Variants in SPAST observed in about 807,000 individuals in gnomAD.
SPAST encodes spastin.
A neutral mutation model predicts 76.6 loss-of-function variants in SPAST; 30 were observed. The ratio of observed to expected loss-of-function variants is 0.39; its 90% confidence interval spans 0.29 to 0.53. The LOEUF is 0.53. Among genes scored for constraint, SPAST ranks in the 20% least tolerant of loss-of-function variants. SPAST has a pLI of 0.68. For synonymous variants in SPAST, 305 were observed against 281.0 expected (o/e 1.09, Z -0.86); for missense variants, 717 against 770.5 (o/e 0.93, Z 0.82).
Position 32,117,929 on chromosome 2 carries a change from A to C in SPAST, c.1098+1717A>C, listed in dbSNP as rs1487501609. ...GGGTAGAAACCTAATCTTCCATCCC[A>C]TATTTTATGACTTATTAAGGAAGAT... On this transcript the variant is annotated intron_variant, in intron 7 of 16. Transcript: ENST00000315285. Among the ~76,000 whole-genome samples the C allele has an allele frequency of 3.9e-5, 6 of 152,164 alleles. No individual in the cohort carries two copies. The South Asian group carries it at 1.2e-3, about 32-fold the overall frequency.
chr2:32,090,798 C>T (rs1324868894), intron 3 of SPAST, among the ~76,000 whole-genome samples: 3 of 152,130 alleles, frequency 2.0e-5, no homozygotes, highest in Non-Finnish European at 4.4e-5. Context: ...CTTCTTTCCT[C>T]CCACGTTAAA....
chr2:32,077,330 A>G (rs1425769276), intron 1 of SPAST, among the ~76,000 whole-genome samples: 1 of 152,196 alleles, frequency 6.6e-6, no homozygotes, highest in Non-Finnish European at 1.5e-5. Context: ...TGGGCTTTAT[A>G]TAACATAGAT....
intron 1 of SPAST, among the ~76,000 whole-genome samples, chr2:32,082,423 C>T (rs1210568314): frequency 6.6e-6 from 1 of 151,770 alleles, no homozygotes; most frequent in Non-Finnish European, 1.5e-5. Flanking sequence ...CTGCTGGGCA[C>T]GGTGGCTCAA....
intron 4 of SPAST, among the ~76,000 whole-genome samples, chr2:32,110,752 GTATAGTATATATAGTATACATAGTATAC>G (rs1163075702): frequency 1.4e-5 from 2 of 138,034 alleles, no homozygotes; most frequent in Non-Finnish European, 1.5e-5. Flanking sequence ...AGTATATATA[GTATAGTATATATAGTATACATAGTATAC>G]TATATATAGT....
At chr2:32,098,982 T>C (rs773445867) in intron 4 of SPAST, 91 bp downstream of exon 4, 8 of 873,666 alleles carry the variant, frequency 9.2e-6, no homozygotes, top group Non-Finnish European at 1.5e-5. Flanking sequence ...GATTTTATAA[T>C]GGTAGGTTTA....
At chr2:32,081,500 A>G (rs1677220360) in intron 1 of SPAST, among the ~76,000 whole-genome samples, 1 of 152,102 alleles carries the variant, frequency 6.6e-6, no homozygotes, top group Admixed American at 6.6e-5. Flanking sequence ...GTTTAGTTGC[A>G]TGAGTCCACT....
At chr2:32,082,176 A>T (rs1677260954) in intron 1 of SPAST, among the ~76,000 whole-genome samples, 1 of 150,282 alleles carries the variant, frequency 6.7e-6, no homozygotes, top group African/African-American at 2.4e-5. Context: ...TATTTTTAGT[A>T]GAGATTGGGT....
chr2:32,126,005 C>T (rs1250771876), intron 7 of SPAST, among the ~76,000 whole-genome samples: 2 of 152,074 alleles, frequency 1.3e-5, no homozygotes, highest in Non-Finnish European at 2.9e-5. Context: ...TCGTGTTAGC[C>T]AGGATGGTCT....
chr2:32,113,866 G>A (rs1015519731), intron 4 of SPAST, among the ~76,000 whole-genome samples: 24 of 151,758 alleles, frequency 1.6e-4, no homozygotes, highest in Middle Eastern at 3.4e-3. Context: ...CGCGCCCGGC[G>A]CTTCATAACC....
intron 4 of SPAST, among the ~76,000 whole-genome samples, chr2:32,102,016 T>G (rs1454850361): frequency 1.3e-5 from 2 of 152,306 alleles, no homozygotes; most frequent in East Asian, 3.9e-4. Context: ...GTGAAGAAAG[T>G]CATTTGTAGC....
intron 9 of SPAST, among the ~76,000 whole-genome samples, chr2:32,135,862 A>G (rs1368311429): frequency 1.3e-5 from 2 of 152,162 alleles, no homozygotes; most frequent in East Asian, 1.9e-4. Context: ...AAAGAAGGGC[A>G]GGCTTAAAGA....
At chr2:32,093,310 CAAAAAAAAAAAAAA>C in intron 3 of SPAST, among the ~76,000 whole-genome samples, 1 of 62,184 alleles carries the variant, frequency 1.6e-5, no homozygotes, top group Non-Finnish European at 2.9e-5. Context: ...GACTCCGTCT[CAAAAAAAAAAAAAA>C]AAAAAAAAAT....
chr2:32,099,027 A>G lies in SPAST; in HGVS notation c.682+136A>G, dbSNP rs560512652. 134 of 711,156 alleles carry G rather than the reference A, an allele frequency of 1.9e-4. 1 individual carries two copies. In the African/African-American group the frequency reaches 2.2e-3, roughly 12 times the overall value. The allele number at this position is 711,156 out of a possible 1,614,324, so 44.1% of individuals were successfully genotyped here. ...GTTTTCACAGGGCTGTGTTGAAAAT[A>G]TAGTACCTTTATCATCATAGTATAT... On this transcript the variant is annotated intron_variant, in intron 4 of 16. Coordinates refer to ENST00000315285, the MANE Select transcript of SPAST (RefSeq NM_014946.4).
chr2:32,096,612 C>T (rs979173103), intron 3 of SPAST, among the ~76,000 whole-genome samples: 15 of 151,938 alleles, frequency 9.9e-5, no homozygotes, highest in Admixed American at 4.6e-4. Flanking sequence ...TCTGTGTACA[C>T]GAAAAGAAAT....
At chr2:32,120,902 A>G (rs1267317404) in intron 7 of SPAST, among the ~76,000 whole-genome samples, 1 of 152,106 alleles carries the variant, frequency 6.6e-6, no homozygotes, top group Non-Finnish European at 1.5e-5. Context: ...ATTTGACTGG[A>G]TGTCAAGATT....
rs1676401148 is a variant in SPAST, at chr2:32,064,037, T to C, written c.206T>C (p.Phe69Ser). Reference protein sequence around the residue: ...VGFALLRLVAFHLGLLFVWLC... With the variant: ...VGFALLRLVASHLGLLFVWLC... The stretch of plus-strand genomic sequence containing the variant: ...TTCGCGCTGCTGCGTTTGGTCGCCT[T>C]CCACCTGGGGCTCCTCTTCGTGTGG... Residue 69 changes from phenylalanine to serine, a missense_variant, in exon 1 of 17, where the codon TTC becomes TCC. Around this residue, in one of 3 missense-constraint regions of SPAST, gnomAD observed 543 missense variants for 445.2 expected, o/e 1.22. Transcript: ENST00000315285. 6.2e-7 allele frequency: 1 copy of C among 1,613,240 alleles called. No homozygotes were observed. The highest frequency in any genetic ancestry group is 1.3e-5 in the African/African-American group (1 of 74,876).
chr2:32,078,405 G>A (rs1457572089), intron 1 of SPAST, among the ~76,000 whole-genome samples: 2 of 152,102 alleles, frequency 1.3e-5, no homozygotes, highest in Admixed American at 1.3e-4. Context: ...CGAACGCCTA[G>A]CCTCAAGTGA....
chr2:32,109,838 A>T (rs879528253), intron 4 of SPAST, among the ~76,000 whole-genome samples: 1 of 149,162 alleles, frequency 6.7e-6, no homozygotes, highest in Admixed American at 6.7e-5. Flanking sequence ...ACATATGTAT[A>T]TGCATATACA....
At chr2:32,119,910 T>C (rs1323807730) in intron 7 of SPAST, among the ~76,000 whole-genome samples, 1 of 152,190 alleles carries the variant, frequency 6.6e-6, no homozygotes, top group African/African-American at 2.4e-5. Flanking sequence ...ATATTTCTTA[T>C]TTTGTTCTCT....
Sources: gnomAD v4.1 joint callset for allele counts (sites outside exome capture counted in the v4.1 genomes callset) on GRCh38, gnomAD v4.1.1 for gene constraint, gnomAD v4.1.1 regional missense constraint, MANE v1.5 for transcripts, NCBI Gene and HGNC (gene_info 2026-07-23, HGNC 2026-07-21) for gene names.